Variants in SNURF observed in about 807,000 individuals in gnomAD.
The protein encoded by SNURF is SNURF protein.
Under a neutral mutation model 11.6 loss-of-function variants are expected in SNURF, and 6 were observed. The ratio of observed to expected loss-of-function variants is 0.52; its 90% CI spans 0.28 to 1.02. The LOEUF (loss-of-function observed/expected upper bound fraction) is 1.02, where lower values mean the gene tolerates loss of function less well. Among genes scored for constraint, SNURF ranks in the 50% least tolerant of loss-of-function variants. SNURF has a pLI of 0.09. For missense variants in SNURF, 84 were observed against 88.4 expected (o/e 0.95, Z 0.20); for synonymous variants, 29 against 31.6 (o/e 0.92, Z 0.27).
chr15:24,958,101 T>C (rs1355433655), intron 1 of SNURF, among the ~76,000 whole-genome samples: 2 of 152,226 alleles, frequency 1.3e-5, no homozygotes, highest in East Asian at 3.9e-4. Context: ...TTCACTATTC[T>C]ATCTGACCAG....
At chr15:24,971,365 C>T (rs971497792), downstream of SNURF, among the ~76,000 whole-genome samples, 2 of 152,066 alleles carry the variant, frequency 1.3e-5, no homozygotes, top group Admixed American at 6.6e-5. Context: ...TTATTTTCTT[C>T]TTTCACTTAC....
chr15:24,955,628 C>T (rs1385810873), intron 1 of SNURF, among the ~76,000 whole-genome samples: 3 of 112,292 alleles, frequency 2.7e-5, no homozygotes, highest in Admixed American at 1.1e-4. Flanking sequence ...TCGCAGTGAC[C>T]GAGGCGAGGA....
Position 24,977,342 on chromosome 15 carries a change from T to A in SNURF, c.*462+313T>A, listed in dbSNP as rs28464968. Among the ~76,000 whole-genome samples the A allele has an allele frequency of 2.8e-3, 433 of 152,226 alleles. 3 individuals are homozygous for A. The highest frequency in any genetic ancestry group is 9.9e-3 in the African/African-American group (411 of 41,570). ...GATGTCAGTGTACTAAGATTAGTTT[T>A]TAAAATATGGGAATAGGCCGGGTGC... On this transcript the variant is annotated intron_variant and NMD_transcript_variant, in intron 6 of 6. Transcript: ENST00000580062.
exon 6 of SNURF, chr15:24,976,903 T>C: frequency 6.2e-7 from 1 of 1,608,426 alleles, no homozygotes; most frequent in Non-Finnish European, 8.5e-7. Context: ...TACCACTTGC[T>C]GGAGCTGCTG....
chr15:24,957,957 T>C (rs571076146), intron 1 of SNURF, among the ~76,000 whole-genome samples: 1 of 152,236 alleles, frequency 6.6e-6, no homozygotes, highest in South Asian at 2.1e-4. Flanking sequence ...GTGCTAGGGC[T>C]TTTTGGAGGC....
chr15:24,967,641 TAAA>T (rs35079024), intron 2 of SNURF, among the ~76,000 whole-genome samples: 7 of 133,954 alleles, frequency 5.2e-5, no homozygotes, highest in Admixed American at 1.5e-4. Context: ...GACTCTGTCT[TAAA>T]AAAAAAAAAA....
intron 3 of SNURF, chr15:24,975,000 G>T (rs1404497846): frequency 2.8e-6 from 2 of 702,784 alleles, no homozygotes; most frequent in Admixed American, 4.0e-5. Flanking sequence ...AAAATGGAAG[G>T]GTTTTGGCAT....
chr15:24,962,348 G>A, intron 2 of SNURF, 139 bp downstream of exon 2: 2 of 733,262 alleles, frequency 2.7e-6, no homozygotes, highest in Non-Finnish European at 4.7e-6. Context: ...TAGTAAAAAA[G>A]CAATGAAATT....
downstream of SNURF, chr15:24,978,587 AC>A (rs1337472785): frequency 2.3e-5 from 18 of 782,286 alleles, no homozygotes; most frequent in Admixed American, 3.5e-4. Flanking sequence ...ACTGTGAGGT[AC>A]TGTTGTATAT....
intron 2 of SNURF, 50 bp downstream of exon 2, chr15:24,962,259 G>T (rs1445080995): frequency 2.7e-6 from 4 of 1,455,346 alleles, no homozygotes; most frequent in African/African-American, 2.8e-5. Flanking sequence ...TCTCCTTTCA[G>T]ATTAGAACAA....
chr15:24,973,578 C>G (rs1489371457), downstream of SNURF, among the ~76,000 whole-genome samples: 1 of 151,532 alleles, frequency 6.6e-6, no homozygotes. Flanking sequence ...TTTTGTATTT[C>G]TAGCAGAGAC....
intron 1 of SNURF, 39 bp downstream of exon 1, chr15:24,955,101 G>T (rs987151931): frequency 1.2e-6 from 2 of 1,613,234 alleles, no homozygotes; most frequent in African/African-American, 1.3e-5. Context: ...AGACAGCCTG[G>T]GGAGCGGCCA....
chr15:24,972,541 CT>C (rs755600861), downstream of SNURF, among the ~76,000 whole-genome samples: 4,723 of 112,178 alleles, frequency 0.042, 131 homozygotes, highest in African/African-American at 0.14. Flanking sequence ...TTAGAGTATT[CT>C]TTTTTTTTTT....
intron 3 of SNURF, chr15:24,974,791 T>C: frequency 4.7e-6 from 3 of 632,510 alleles, no homozygotes; most frequent in Non-Finnish European, 8.5e-6. Context: ...GCTCCTGACC[T>C]CTGGTGATCC....
chr15:24,978,146 T>C (rs764147025), downstream of SNURF: 121 of 1,591,716 alleles, frequency 7.6e-5, no homozygotes, highest in Non-Finnish European at 1.0e-4. Context: ...TTCTAACTTT[T>C]CTAAGCCATT....
At chr15:24,967,864 C>T in intron 2 of SNURF, 68 bp from the exon 3 acceptor site, 3 of 1,034,044 alleles carry the variant, frequency 2.9e-6, no homozygotes, top group Non-Finnish European at 4.4e-6. Context: ...ACCTAGTTTT[C>T]TTTCATATGG....
downstream of SNURF, chr15:24,978,105 G>T (rs2077275357): frequency 2.2e-6 from 3 of 1,385,002 alleles, no homozygotes; most frequent in Non-Finnish European, 1.0e-6. Context: ...TTGTTGTCTG[G>T]CCCATTTCTT....
At chr15:24,977,384 A>C (rs543688614) in intron 6 of SNURF, among the ~76,000 whole-genome samples, 6 of 152,190 alleles carry the variant, frequency 3.9e-5, no homozygotes, top group Non-Finnish European at 7.4e-5. Context: ...TTACGCCTGT[A>C]ATCCAGCACT....
intron 2 of SNURF, among the ~76,000 whole-genome samples, chr15:24,965,871 ATTTT>A (rs5811370): frequency 1.3e-5 from 2 of 151,232 alleles, no homozygotes; most frequent in African/African-American, 4.9e-5. Context: ...CATTATATAT[ATTTT>A]TTTTTACTGA....
Sources: gnomAD v4.1 joint callset for allele counts (sites outside exome capture counted in the v4.1 genomes callset) on GRCh38, gnomAD v4.1.1 for gene constraint, MANE v1.5 for transcripts, NCBI Gene and HGNC (gene_info 2026-07-23, HGNC 2026-07-21) for gene names.